TMPRSS6: variants seen among roughly 807,000 people sequenced by gnomAD.
TMPRSS6 encodes the protein transmembrane serine protease 6.
A neutral mutation model predicts 101.5 loss-of-function variants in TMPRSS6; 67 were observed. That is an observed-to-expected ratio of 0.66 (90% CI 0.54 to 0.81). The LOEUF is 0.81. Ranked by LOEUF, TMPRSS6 falls within the 30% of genes least tolerant of loss-of-function variation. The pLI is 0.00. For synonymous variants in TMPRSS6, 453 were observed against 464.9 expected (o/e 0.97, Z 0.33); for missense variants, 1,034 against 1,088.7 (o/e 0.95, Z 0.71).
Position 37,066,863 on chromosome 22 carries a change from C to T in TMPRSS6, c.2213G>A (p.Cys738Tyr). The T allele has an allele frequency of 6.2e-7, 1 of 1,614,192 alleles. No individual in the cohort carries two copies. Among genetic ancestry groups the T allele is most frequent in the Non-Finnish European group, 8.5e-7 (1 of 1,180,034 alleles). The change falls in exon 17 of 18, where the codon TGT (cysteine) becomes TAT (tyrosine). Residue 738 changes from cysteine (C) to tyrosine (Y), a missense_variant. Physicochemically the swap from Cys to Tyr is radical, Grantham distance 194 (BLOSUM62 -2). Coordinates refer to ENST00000676104, the MANE Select transcript of TMPRSS6 (RefSeq NM_001374504.1). The stretch of plus-strand genomic sequence containing the variant: ...CTTCTTGCCCTTGCGGTAGCCGGCA[C>T]ACAGCATGCGTGGCGTCACCTGGTA... ...YRYQVTPRML[C>Y]AGYRKGKKDA...
chr22:37,102,043 T>C (rs1930361485), intron 2 of TMPRSS6, among the ~76,000 whole-genome samples: 1 of 152,130 alleles, frequency 6.6e-6, no homozygotes, highest in Non-Finnish European at 1.5e-5. Context: ...TTCCAGACAC[T>C]CCCAACCCTG....
At position 37,095,895 on chromosome 22, in the gene TMPRSS6, G is replaced by A. The variant is rs372487738; in HGVS notation, c.589+11C>T. 85 of 1,613,706 alleles carry A rather than the reference G, an allele frequency of 5.3e-5. No individual in the cohort carries two copies. Among genetic ancestry groups the A allele is most frequent in the Admixed American group, 3.3e-5 (2 of 60,000 alleles). ...TGAGGCCAACCCCACGTTTCCACTC[G>A]CAGTACTGACCCAGGATCACTAGGC... On this transcript the variant is annotated intron_variant, in intron 5 of 17. Coordinates refer to ENST00000676104, the MANE Select transcript of TMPRSS6 (RefSeq NM_001374504.1).
At position 37,103,592 on chromosome 22, in the gene TMPRSS6, T is replaced by C; in HGVS notation, c.-1-174A>G. ...CGAGACAGCTCACAGAGGAGGGAAGTGCATCTCAGGTCAGCTCGCACCAGA... is the reference window on the plus strand; with the variant it reads ...CGAGACAGCTCACAGAGGAGGGAAGCGCATCTCAGGTCAGCTCGCACCAGA... On this transcript the variant is annotated intron_variant, in intron 1 of 17. Transcript: ENST00000676104. The surrounding 1 kb of genome is among the most constrained non-coding windows in gnomAD (Gnocchi z 4.4). 6.2e-7 allele frequency: 1 copy of C among 1,612,228 alleles called. No homozygotes were observed. The highest frequency in any genetic ancestry group is 8.5e-7 in the Non-Finnish European group (1 of 1,179,696).
rs2146205345 is a variant in TMPRSS6, at chr22:37,109,612, G to A, written c.-111C>T. 1 of 152,402 alleles carries A rather than the reference G, an allele frequency of 6.6e-6. No individual in the cohort carries two copies. The highest frequency in any genetic ancestry group is 3.4e-3 in the Middle Eastern group (1 of 296). The allele number at this position is 152,402 out of a possible 1,614,324, so 9.4% of individuals were successfully genotyped here. On this transcript the variant is annotated 5_prime_UTR_variant, in exon 1 of 18. Transcript: ENST00000676104. ...CCCAGCCAGCCCAGGCTGGATCAAT[G>A]GCCTAGAGCCATGACCAGGGTGTCT...
chr22:37,078,798 AG>A (rs1927928370), intron 10 of TMPRSS6, among the ~76,000 whole-genome samples: 4 of 146,430 alleles, frequency 2.7e-5, no homozygotes, highest in Admixed American at 2.1e-4. Flanking sequence ...AAGAAGGAGG[AG>A]GAGGAAGAGG....
rs1471817284 is a variant in TMPRSS6 at position 37,070,739 on chromosome 22, G to A, written c.1673-87C>T. ...AGAGGAAGGGCAAAGGAAAGAGATG[G>A]AGAGACAGAGAACAGGAGAATGATG... On this transcript the variant is annotated intron_variant, in intron 14 of 17. Transcript: ENST00000676104. 5 of 1,457,636 alleles carry A rather than the reference G, an allele frequency of 3.4e-6. No homozygotes were observed. In the Admixed American group the frequency reaches 5.1e-5, roughly 15 times the overall value. The allele number at this position is 1,457,636 out of a possible 1,614,324, so 90.3% of individuals were successfully genotyped here.
At chr22:37,110,336 T>C (rs949205105), upstream of TMPRSS6, among the ~76,000 whole-genome samples, 7 of 151,550 alleles carry the variant, frequency 4.6e-5, no homozygotes, top group African/African-American at 7.3e-5. Flanking sequence ...AGAGATGGGG[T>C]TTCACCATGT....
chr22:37,070,477 C>T lies in TMPRSS6; in HGVS notation c.1841+7G>A, dbSNP rs564252746. 1.4e-5 allele frequency: 22 copies of T among 1,613,292 alleles called. No individual in the cohort carries two copies. Among genetic ancestry groups the T allele is most frequent in the African/African-American group, 1.1e-4 (8 of 74,910 alleles). On this transcript the variant is annotated splice_region_variant and intron_variant, in intron 15 of 17. Transcript: ENST00000676104. ...TACTGCCTAGGCCCCCACACCCTCCCGCTCACCTGTCCTCCTGGAAGCAGT... is the reference window on the plus strand; with the variant it reads ...TACTGCCTAGGCCCCCACACCCTCCTGCTCACCTGTCCTCCTGGAAGCAGT...
rs1286703735 is a variant in TMPRSS6 at position 37,089,785 on chromosome 22, G to A, written c.632-3C>T. ...CACGTAGCTGTAGCGGTAACAACCTGGAGCGGGGAGAGGGGCACAGCCCCT... is the reference window on the plus strand; with the variant it reads ...CACGTAGCTGTAGCGGTAACAACCTAGAGCGGGGAGAGGGGCACAGCCCCT... On this transcript the variant is annotated splice_polypyrimidine_tract_variant and splice_region_variant and intron_variant, in intron 6 of 17. Coordinates refer to ENST00000676104, the MANE Select transcript of TMPRSS6 (RefSeq NM_001374504.1). 2 of 1,610,876 alleles carry A rather than the reference G, an allele frequency of 1.2e-6. No individual in the cohort carries two copies. The highest frequency in any genetic ancestry group is 2.7e-5 in the African/African-American group (2 of 74,896).
In TMPRSS6 at chr22:37,090,405, GAGA is replaced by G. The variant is rs1231395669; in HGVS notation, c.632-626_632-624del. Reference sequence around the variant, plus strand: ...GACCAGCGAGGCCACAGGCAATGAGGAGAAGAAGGGATGAGGGCTTCACTTCCG... The same window carrying G: ...GACCAGCGAGGCCACAGGCAATGAGGAGAAGGGATGAGGGCTTCACTTCCG... On this transcript the variant is annotated intron_variant, in intron 6 of 17. Transcript: ENST00000676104. Among the ~76,000 whole-genome samples the G allele has an allele frequency of 4.6e-5, 7 of 152,354 alleles. No individual in the cohort carries two copies. In the East Asian group the frequency reaches 7.7e-4, roughly 17 times the overall value.
chr22:37,092,327 T>C (rs962666046), intron 6 of TMPRSS6, among the ~76,000 whole-genome samples: 1 of 152,086 alleles, frequency 6.6e-6, no homozygotes, highest in African/African-American at 2.4e-5. Flanking sequence ...CTTTTTCTTT[T>C]GAAAATTATT....
intron 6 of TMPRSS6, among the ~76,000 whole-genome samples, chr22:37,094,757 A>T (rs1272036486): frequency 6.6e-6 from 1 of 152,216 alleles, no homozygotes. Flanking sequence ...CAGGATGGGA[A>T]GACGGGAAGG....
At position 37,065,985 on chromosome 22, in the gene TMPRSS6, CCA is replaced by C. The variant is rs1926238332; in HGVS notation, c.*93_*94del. On this transcript the variant is annotated 3_prime_UTR_variant, in exon 18 of 18. Coordinates refer to ENST00000676104, the MANE Select transcript of TMPRSS6 (RefSeq NM_001374504.1). ...GCCACCACAGGGCCTGCTCTCTCCC[CCA>C]CCCCCCGCCAGAATACTTGTCCCCC... 1 of 1,552,970 alleles carries C rather than the reference CCA, an allele frequency of 6.4e-7. No homozygotes were observed. Among genetic ancestry groups the C allele is most frequent in the Non-Finnish European group, 8.8e-7 (1 of 1,130,758 alleles).
At chr22:37,097,879 A>G (rs13058206) in intron 3 of TMPRSS6, among the ~76,000 whole-genome samples, 1 of 15,068 alleles carries the variant, frequency 6.6e-5, no homozygotes, top group South Asian at 2.8e-3. Context: ...GGGGGAGGAG[A>G]GGGCCACCGT....
intron 13 of TMPRSS6, 27 bp downstream of exon 13, chr22:37,073,505 C>G (rs746770189): frequency 1.5e-5 from 23 of 1,536,828 alleles, no homozygotes; most frequent in Non-Finnish European, 2.1e-5. Context: ...TGGTGTCCCT[C>G]CAGACACTCG....
chr22:37,108,971 C>T (rs1930892410), intron 1 of TMPRSS6, among the ~76,000 whole-genome samples: 1 of 152,172 alleles, frequency 6.6e-6, no homozygotes, highest in African/African-American at 2.4e-5. Context: ...GATATACGCA[C>T]ATCTATTCAT....
intron 6 of TMPRSS6, among the ~76,000 whole-genome samples, chr22:37,091,582 C>T (rs941954545): frequency 2.6e-5 from 4 of 152,198 alleles, no homozygotes; most frequent in Admixed American, 6.5e-5. Context: ...GGACCAGATT[C>T]GGTGTCCAGG....
At position 37,068,476 on chromosome 22, in the gene TMPRSS6, C is replaced by A. The variant is rs377312692; in HGVS notation, c.2113+597G>T. 8.9e-4 allele frequency: 581 copies of A among 649,420 alleles called. 7 individuals are homozygous for A. In the South Asian group the frequency reaches 9.4e-3, roughly 11 times the overall value. The allele number at this position is 649,420 out of a possible 1,614,324, so 40.2% of individuals were successfully genotyped here. ...TGTGTCCCCAAAACTGTGCGGTGGC[C>A]GCCAGGGACTCTGGTCAGTGAACGT... On this transcript the variant is annotated intron_variant, in intron 16 of 17. Coordinates refer to ENST00000676104, the MANE Select transcript of TMPRSS6 (RefSeq NM_001374504.1).
chr22:37,087,047 C>T (rs372203304), intron 7 of TMPRSS6, among the ~76,000 whole-genome samples: 20 of 152,162 alleles, frequency 1.3e-4, no homozygotes, highest in African/African-American at 4.3e-4. Context: ...GAAACTGAGG[C>T]CCTACCGGCA....
Sources: gnomAD v4.1 joint callset for allele counts (sites outside exome capture counted in the v4.1 genomes callset) on GRCh38, gnomAD v4.1.1 for gene constraint, Gnocchi (gnomAD v3.1) non-coding constraint, MANE v1.5 for transcripts, NCBI Gene and HGNC (gene_info 2026-07-23, HGNC 2026-07-21) for gene names.